TMCC1: variants seen among roughly 807,000 people sequenced by gnomAD.
TMCC1 encodes transmembrane and coiled-coil domains protein 1.
Under a neutral mutation model 52.4 loss-of-function variants are expected in TMCC1, and 15 were observed. The observed-to-expected ratio is 0.29, with a 90% confidence interval of 0.19 to 0.44. The LOEUF is 0.44. TMCC1 is among the 20% of genes least tolerant of loss of function. The pLI is 1.00. For synonymous variants in TMCC1, 279 were observed against 301.9 expected (o/e 0.92, Z 0.79); for missense variants, 503 against 806.0 (o/e 0.62, Z 4.55).
intron 4 of TMCC1, among the ~76,000 whole-genome samples, chr3:129,720,266 TG>T (rs1172978041): frequency 1.3e-5 from 2 of 151,512 alleles, no homozygotes; most frequent in African/African-American, 4.9e-5. Context: ...TTTGGCCAAG[TG>T]AAGTGTCAGC....
chr3:129,774,387 T>G (rs1242407405), intron 4 of TMCC1, among the ~76,000 whole-genome samples: 1 of 152,182 alleles, frequency 6.6e-6, no homozygotes, highest in Admixed American at 6.5e-5. Context: ...GCTATGAATA[T>G]TCTATTAATA....
chr3:129,800,692 C>A (rs1176901913), intron 4 of TMCC1, among the ~76,000 whole-genome samples: 2 of 151,972 alleles, frequency 1.3e-5, no homozygotes, highest in African/African-American at 4.8e-5. Context: ...CACTACTCTC[C>A]TTGACAATTT....
chr3:129,878,127 T>A (rs1197912021), intron 2 of TMCC1, among the ~76,000 whole-genome samples: 1 of 151,542 alleles, frequency 6.6e-6, no homozygotes, highest in Admixed American at 6.6e-5. Flanking sequence ...CCTAGGTAAT[T>A]TTTTACTTTT....
intron 2 of TMCC1, among the ~76,000 whole-genome samples, chr3:129,849,765 CA>C (rs919795033): frequency 1.4e-5 from 2 of 147,324 alleles, no homozygotes; most frequent in African/African-American, 2.5e-5. Flanking sequence ...GACTCCATCT[CA>C]AAAAAAAATA....
chr3:129,691,981 T>C (rs998192016), intron 4 of TMCC1, among the ~76,000 whole-genome samples: 6 of 152,202 alleles, frequency 3.9e-5, no homozygotes, highest in Non-Finnish European at 8.8e-5. Context: ...ACACTTTAAA[T>C]ATGCTAGACA....
chr3:129,698,417 C>T (rs1218265434), intron 4 of TMCC1, among the ~76,000 whole-genome samples: 2 of 152,154 alleles, frequency 1.3e-5, no homozygotes, highest in Non-Finnish European at 2.9e-5. Context: ...ATGGGAACTA[C>T]AATTCAAGAT....
At chr3:129,820,373 A>AAT (rs900900548) in intron 4 of TMCC1, among the ~76,000 whole-genome samples, 15 of 151,442 alleles carry the variant, frequency 9.9e-5, no homozygotes, top group South Asian at 4.2e-4. Context: ...AAATTAAAAA[A>AAT]ATATATATAT....
At chr3:129,752,681 C>CA (rs919786164) in intron 4 of TMCC1, among the ~76,000 whole-genome samples, 1 of 151,652 alleles carries the variant, frequency 6.6e-6, no homozygotes, top group African/African-American at 2.4e-5. Flanking sequence ...CACACACACA[C>CA]AAAAACTAAT....
At chr3:129,670,061 C>T (rs552338670) in intron 5 of TMCC1, among the ~76,000 whole-genome samples, 1 of 152,270 alleles carries the variant, frequency 6.6e-6, no homozygotes, top group East Asian at 1.9e-4. Flanking sequence ...CAGTTACAGG[C>T]TGCAATGACT....
chr3:129,713,062 G>C (rs896545436), intron 4 of TMCC1, among the ~76,000 whole-genome samples: 4 of 152,032 alleles, frequency 2.6e-5, no homozygotes, highest in Non-Finnish European at 5.9e-5. Context: ...AGGAGTTCGA[G>C]AGCAGACTGG....
intron 2 of TMCC1, among the ~76,000 whole-genome samples, chr3:129,849,095 A>G (rs1273853225): frequency 6.6e-6 from 1 of 152,236 alleles, no homozygotes; most frequent in Non-Finnish European, 1.5e-5. Flanking sequence ...ACTATTAAAC[A>G]TGTACCACAT....
At chr3:129,884,802 G>T (rs559974502) in intron 1 of TMCC1, among the ~76,000 whole-genome samples, 1 of 152,166 alleles carries the variant, frequency 6.6e-6, no homozygotes, top group South Asian at 2.1e-4. Flanking sequence ...ATAATTTATC[G>T]ATTTTTTTCA....
At chr3:129,866,948 T>C (rs765177242) in intron 2 of TMCC1, 29 of 152,158 alleles carry the variant, frequency 1.9e-4, no homozygotes, top group Non-Finnish European at 4.0e-4. Context: ...AAATTCTTTA[T>C]CAACAATATT....
At chr3:129,791,652 A>G (rs1039658057) in intron 4 of TMCC1, among the ~76,000 whole-genome samples, 2 of 152,354 alleles carry the variant, frequency 1.3e-5, no homozygotes, top group South Asian at 2.1e-4. Flanking sequence ...GGTTTCCTTA[A>G]TAAGTATTTT....
intron 4 of TMCC1, among the ~76,000 whole-genome samples, chr3:129,757,689 T>G (rs941967041): frequency 6.6e-6 from 1 of 151,938 alleles, no homozygotes; most frequent in African/African-American, 2.4e-5. Flanking sequence ...ATTAGCCAGG[T>G]GTGGTGGTGC....
intron 4 of TMCC1, among the ~76,000 whole-genome samples, chr3:129,709,716 C>G (rs1440907555): frequency 6.6e-6 from 1 of 151,894 alleles, no homozygotes; most frequent in Non-Finnish European, 1.5e-5. Context: ...CTGACTTCTG[C>G]TTGTATTTTT....
intron 4 of TMCC1, chr3:129,688,690 G>T: frequency 1.0e-6 from 1 of 985,458 alleles, no homozygotes; most frequent in Non-Finnish European, 1.2e-6. Flanking sequence ...AAGCATCCGT[G>T]TGTGTGCGCG....
chr3:129,668,497 G>A (rs1329214590), intron 5 of TMCC1, among the ~76,000 whole-genome samples: 1 of 152,188 alleles, frequency 6.6e-6, no homozygotes, highest in Non-Finnish European at 1.5e-5. Context: ...GGGAAGAACT[G>A]GAATTTGAAC....
chr3:129,821,689 G>A (rs565991293), intron 4 of TMCC1, among the ~76,000 whole-genome samples: 1 of 151,986 alleles, frequency 6.6e-6, no homozygotes, highest in African/African-American at 2.4e-5. Flanking sequence ...TTTAATTATG[G>A]GCCCTGTTTT....
Sources: allele counts gnomAD v4.1 joint callset (sites outside exome capture counted in the v4.1 genomes callset), GRCh38; gene constraint gnomAD v4.1.1; transcripts MANE v1.5; gene names NCBI Gene and HGNC (gene_info 2026-07-23, HGNC 2026-07-21).